ZDHHC11B: variants seen among roughly 807,000 people sequenced by gnomAD.
ZDHHC11B encodes the protein probable palmitoyltransferase ZDHHC11B.
A neutral mutation model predicts 42.3 loss-of-function variants in ZDHHC11B; 17 were observed. The ratio of observed to expected loss-of-function variants is 0.40; its 90% CI spans 0.27 to 0.60. The LOEUF (loss-of-function observed/expected upper bound fraction) is 0.60, where lower values mean the gene tolerates loss of function less well. Ranked by LOEUF, ZDHHC11B falls within the 20% of genes least tolerant of loss-of-function variation. The pLI is 0.41. For missense variants in ZDHHC11B, 262 were observed against 463.2 expected, an observed-to-expected ratio of 0.57 and a Z score of 3.99; for synonymous variants, 123 against 193.5, an observed-to-expected ratio of 0.64 and a Z score of 3.02.
At chr5:759,725 G>A (rs1364894730) in intron 4 of ZDHHC11B, among the ~76,000 whole-genome samples, 2 of 151,874 alleles carry the variant, frequency 1.3e-5, no homozygotes, top group African/African-American at 4.8e-5. Context: ...CTAACCTGGG[G>A]TCTTTATTCC....
chr5:759,393 C>T (rs1254803016), intron 4 of ZDHHC11B, among the ~76,000 whole-genome samples: 3 of 151,936 alleles, frequency 2.0e-5, no homozygotes, highest in African/African-American at 7.3e-5. Context: ...CTTATCAATC[C>T]CTGCGGGGTT....
In ZDHHC11B at chr5:748,131, C is replaced by T. The variant is rs1450901961; in HGVS notation, c.784+273G>A. 6 of 549,444 alleles carry T rather than the reference C, an allele frequency of 1.1e-5. 1 individual carries two copies. The highest frequency in any genetic ancestry group is 1.8e-5 in the African/African-American group (1 of 54,252). 34.0% of individuals were successfully genotyped at this position (549,444 alleles called of 1,614,324 possible). On this transcript the variant is annotated intron_variant, in intron 8 of 13. Coordinates refer to ENST00000508859, the MANE Select transcript of ZDHHC11B (RefSeq NM_001351303.2). ...TAAACTTGTTACTTCAAGCACCCGG[C>T]AGCGCTCCTGCAGGTCTCAGCGTTG...
At chr5:765,689 C>A (rs1305500766) in intron 4 of ZDHHC11B, among the ~76,000 whole-genome samples, 2 of 152,026 alleles carry the variant, frequency 1.3e-5, no homozygotes, top group Admixed American at 6.6e-5. Flanking sequence ...CTCCGCACTG[C>A]CTTTATGAGC....
intron 1 of ZDHHC11B, among the ~76,000 whole-genome samples, chr5:775,852 C>T (rs11134247): frequency 0.43 from 57,739 of 135,644 alleles, 8,266 homozygotes; most frequent in Admixed American, 0.47. Flanking sequence ...TGCAAGCTGA[C>T]TGGGAAACAG....
At chr5:751,850 G>C (rs1745816549) in intron 6 of ZDHHC11B, among the ~76,000 whole-genome samples, 2 of 119,708 alleles carry the variant, frequency 1.7e-5, no homozygotes, top group African/African-American at 5.3e-5. Flanking sequence ...AAACGTGATT[G>C]CCTTTAATCC....
At chr5:738,002 C>T (rs1231662573) in intron 10 of ZDHHC11B, among the ~76,000 whole-genome samples, 1 of 112,768 alleles carries the variant, frequency 8.9e-6, no homozygotes, top group Non-Finnish European at 1.8e-5. Flanking sequence ...AACAGGAAGT[C>T]AAATTGTCCC....
intron 9 of ZDHHC11B, among the ~76,000 whole-genome samples, chr5:744,656 C>A (rs149218231): frequency 0.1 from 14,399 of 143,878 alleles, 231 homozygotes; most frequent in African/African-American, 0.17. Context: ...GGGCGGATCA[C>A]CTGAGGCCAG....
intron 4 of ZDHHC11B, among the ~76,000 whole-genome samples, chr5:757,819 G>T (rs1244867982): frequency 6.6e-6 from 1 of 151,852 alleles, no homozygotes; most frequent in African/African-American, 2.4e-5. Flanking sequence ...CTGCTGCCCA[G>T]GCCGGGGTGT....
chr5:767,289 G>A, intron 3 of ZDHHC11B, 103 bp downstream of exon 3: 3 of 1,331,866 alleles, frequency 2.3e-6, no homozygotes, highest in Non-Finnish European at 2.1e-6. Context: ...ACGGCTGCGG[G>A]ATGGCCCTCT....
intron 1 of ZDHHC11B, among the ~76,000 whole-genome samples, chr5:769,588 C>T (rs544562060): frequency 6.6e-6 from 1 of 151,992 alleles, no homozygotes; most frequent in East Asian, 1.9e-4. Flanking sequence ...CCGTGCCAGG[C>T]TGCACGTTCC....
intron 1 of ZDHHC11B, among the ~76,000 whole-genome samples, chr5:776,002 C>A (rs1393102761): frequency 2.7e-5 from 4 of 148,322 alleles, no homozygotes; most frequent in African/African-American, 1.0e-4. Context: ...TGGGCAGATT[C>A]CCATGCAGAT....
intron 1 of ZDHHC11B, among the ~76,000 whole-genome samples, chr5:778,178 C>T (rs193122086): frequency 1.3e-5 from 2 of 151,794 alleles, no homozygotes; most frequent in Non-Finnish European, 2.9e-5. Flanking sequence ...CCAGCCAGTG[C>T]CCACCACCCG....
chr5:754,516 TGCTC>T (rs1746316964), intron 6 of ZDHHC11B, among the ~76,000 whole-genome samples: 1 of 126,652 alleles, frequency 7.9e-6, no homozygotes, highest in Non-Finnish European at 1.7e-5. Context: ...ATCTCCACCG[TGCTC>T]AGGGGAAACA....
intron 1 of ZDHHC11B, among the ~76,000 whole-genome samples, chr5:783,253 G>A (rs1425490818): frequency 7.9e-5 from 12 of 152,350 alleles, no homozygotes; most frequent in African/African-American, 2.9e-4. Context: ...GGCCCTCCGA[G>A]GATCACGTGG....
intron 13 of ZDHHC11B, among the ~76,000 whole-genome samples, chr5:715,433 G>C (rs1213653609): frequency 2.0e-5 from 3 of 151,064 alleles, no homozygotes; most frequent in Non-Finnish European, 2.9e-5. Context: ...ATGAGCTCAA[G>C]TTGTAGCCTC....
chr5:760,342 T>C (rs1480943114), intron 4 of ZDHHC11B, among the ~76,000 whole-genome samples: 1 of 151,680 alleles, frequency 6.6e-6, no homozygotes, highest in East Asian at 1.9e-4. Flanking sequence ...CTCCAATGAC[T>C]GGCATCTTTA....
chr5:726,733 TG>T (rs1195994242), intron 12 of ZDHHC11B, among the ~76,000 whole-genome samples: 2 of 103,738 alleles, frequency 1.9e-5, no homozygotes, highest in African/African-American at 4.1e-5. Context: ...CATTGGTGGG[TG>T]GGGGGACTGT....
At chr5:757,403 G>A (rs1734015509) in intron 4 of ZDHHC11B, among the ~76,000 whole-genome samples, 1 of 151,966 alleles carries the variant, frequency 6.6e-6, no homozygotes, top group Non-Finnish European at 1.5e-5. Context: ...ACCAGGCCAG[G>A]GGGCTGCTGT....
chr5:754,838 G>C (rs1450969086), intron 6 of ZDHHC11B, among the ~76,000 whole-genome samples, 160 bp downstream of exon 6: 1 of 81,100 alleles, frequency 1.2e-5, no homozygotes, highest in Non-Finnish European at 2.5e-5. Context: ...CAGACAGGAG[G>C]CCGGGGCACG....
Sources: allele counts gnomAD v4.1 joint callset (sites outside exome capture counted in the v4.1 genomes callset), GRCh38; gene constraint gnomAD v4.1.1; transcripts MANE v1.5; gene names NCBI Gene and HGNC (gene_info 2026-07-23, HGNC 2026-07-21).